The following PGM1 variants were observed in gnomAD, a reference collection of about 807,000 sequenced individuals.
PGM1 encodes phosphoglucomutase 1.
PGM1 carries 52 observed loss-of-function variants against 55.6 expected under a neutral mutation model. The ratio of observed to expected loss-of-function variants is 0.94; its 90% CI spans 0.75 to 1.18. The LOEUF (loss-of-function observed/expected upper bound fraction) is 1.18. Ranked by LOEUF, PGM1 falls within the 50% of genes most tolerant of loss-of-function variation. PGM1 has a pLI of 0.00. For missense variants in PGM1, 724 were observed against 729.3 expected, an observed-to-expected ratio of 0.99 and a Z score of 0.08; for synonymous variants, 287 against 271.7, an observed-to-expected ratio of 1.06 and a Z score of -0.55.
chr1:63,635,144 GA>G, intron 5 of PGM1, 125 bp downstream of exon 5: 1 of 801,016 alleles, frequency 1.2e-6, no homozygotes, highest in Non-Finnish European at 2.2e-6. Context: ...ATTCTGACCC[GA>G]GGTCAGAACT....
chr1:63,623,321 T>C lies in PGM1; in HGVS notation c.247-6104T>C, dbSNP rs1648932639. 12 of 1,488,144 alleles carry C rather than the reference T, an allele frequency of 8.1e-6. No individual in the cohort carries two copies. In the South Asian group the frequency reaches 1.3e-4, roughly 16 times the overall value. The allele number at this position is 1,488,144 out of a possible 1,614,324, so 92.2% of individuals were successfully genotyped here. On this transcript the variant is annotated intron_variant, in intron 1 of 10. Coordinates refer to ENST00000371084, the MANE Select transcript of PGM1 (RefSeq NM_002633.3). ...ACAAGGAATTAACCAAGCTTTCTCATTGAGAGTGATCGTCCATGCAAACCC... is the reference window on the plus strand; with the variant it reads ...ACAAGGAATTAACCAAGCTTTCTCACTGAGAGTGATCGTCCATGCAAACCC...
intron 1 of PGM1, among the ~76,000 whole-genome samples, chr1:63,619,903 C>A (rs756445359): frequency 1.3e-5 from 2 of 152,174 alleles, no homozygotes; most frequent in Admixed American, 6.5e-5. Context: ...ACATCATTTT[C>A]CAGTTCATAA....
At chr1:63,601,452 A>G (rs544620578) in intron 1 of PGM1, among the ~76,000 whole-genome samples, 1 of 152,204 alleles carries the variant, frequency 6.6e-6, no homozygotes, top group Admixed American at 6.5e-5. Context: ...ACTTCTAAGA[A>G]AGTGAAGCAG....
intron 1 of PGM1, among the ~76,000 whole-genome samples, chr1:63,604,258 A>T (rs956812023): frequency 6.6e-6 from 1 of 152,202 alleles, no homozygotes; most frequent in Non-Finnish European, 1.5e-5. Context: ...TCAAAACAAC[A>T]GTGGATTAAA....
chr1:63,603,073 A>G (rs1415304270), intron 1 of PGM1, among the ~76,000 whole-genome samples: 1 of 152,168 alleles, frequency 6.6e-6, no homozygotes. Context: ...TTTAAGAGAA[A>G]GCTCCCCTCA....
At chr1:63,643,870 T>G (rs1461652826) in intron 7 of PGM1, among the ~76,000 whole-genome samples, 1 of 152,074 alleles carries the variant, frequency 6.6e-6, no homozygotes, top group African/African-American at 2.4e-5. Context: ...CTAGTAGGTG[T>G]ATGTGGAATG....
chr1:63,656,586 G>GTA (rs1649973666), intron 10 of PGM1, among the ~76,000 whole-genome samples: 1 of 146,366 alleles, frequency 6.8e-6, no homozygotes, highest in Non-Finnish European at 1.5e-5. Context: ...GTGTGTGTGT[G>GTA]TGTGTGTGTG....
At position 63,606,081 on chromosome 1, in the gene PGM1, T is replaced by C. The variant is rs1001733783; in HGVS notation, c.246+12347T>C. On this transcript the variant is annotated intron_variant, in intron 1 of 10. Transcript: ENST00000371084. ...CCTGCCTTTATTTCTCTCTGCAGAA[T>C]GGCCAGCCCTTGCCTGAGCTCCCGT... Among the ~76,000 whole-genome samples the C allele has an allele frequency of 7.2e-5, 11 of 152,338 alleles. No homozygotes were observed. In the East Asian group the frequency reaches 1.2e-3, roughly 16 times the overall value.
chr1:63,633,368 T>G (rs1359941222), intron 4 of PGM1, among the ~76,000 whole-genome samples: 2 of 152,180 alleles, frequency 1.3e-5, no homozygotes, highest in African/African-American at 4.8e-5. Context: ...AGACTACTTT[T>G]CTCCAGGTCT....
At position 63,613,259 on chromosome 1, in the gene PGM1, C is replaced by CTTTTTTTT. The variant is rs11377805; in HGVS notation, c.247-16151_247-16144dup. 1.7e-3 allele frequency among the ~76,000 whole-genome samples: 180 copies of CTTTTTTTT among 107,806 alleles called. 8 individuals are homozygous for CTTTTTTTT. Among genetic ancestry groups the CTTTTTTTT allele is most frequent in the African/African-American group, 5.8e-3 (146 of 24,966 alleles). 70.7% of individuals were successfully genotyped at this position (107,806 alleles called of 152,430 possible). A position where few individuals can be genotyped will look rare whatever the true frequency, so the allele number is the denominator to read the frequency against. On this transcript the variant is annotated intron_variant, in intron 1 of 10. Transcript: ENST00000371084. The stretch of plus-strand genomic sequence containing the variant: ...TCTGCTGCAAAAGGAGTTGGCTTAT[C>CTTTTTTTT]TTTTTTTTTTTTTTTTTTTTTTAAG...
chr1:63,615,140 G>A (rs1393119808), intron 1 of PGM1, among the ~76,000 whole-genome samples: 1 of 152,206 alleles, frequency 6.6e-6, no homozygotes, highest in Non-Finnish European at 1.5e-5. Flanking sequence ...TTTATCCACA[G>A]ATAAACCCAT....
At chr1:63,649,374 C>T (rs1328302415) in intron 8 of PGM1, among the ~76,000 whole-genome samples, 2 of 152,162 alleles carry the variant, frequency 1.3e-5, no homozygotes, top group African/African-American at 2.4e-5. Context: ...AAATTTTTGA[C>T]AGTAGTACTT....
intron 7 of PGM1, among the ~76,000 whole-genome samples, chr1:63,640,144 TCCCC>T (rs1168580074): frequency 6.6e-6 from 1 of 152,200 alleles, no homozygotes; most frequent in Non-Finnish European, 1.5e-5. Flanking sequence ...CCCATGAAAC[TCCCC>T]ACAGGGTCAT....
intron 1 of PGM1, among the ~76,000 whole-genome samples, chr1:63,617,983 T>TTTCAAGTA (rs1013418137): frequency 3.3e-5 from 5 of 152,236 alleles, no homozygotes; most frequent in African/African-American, 1.2e-4. Context: ...AAGGAAAACT[T>TTTCAAGTA]TTCAAGTATT....
intron 4 of PGM1, 144 bp downstream of exon 4, chr1:63,631,926 T>C (rs1470424189): frequency 1.2e-6 from 1 of 813,340 alleles, no homozygotes; most frequent in Non-Finnish European, 2.1e-6. Flanking sequence ...AGAGCAATAT[T>C]CACACAGATA....
At chr1:63,623,366 C>T (rs1329149663) in intron 1 of PGM1, 110 of 1,527,764 alleles carry the variant, frequency 7.2e-5, no homozygotes, top group Middle Eastern at 5.3e-4. Flanking sequence ...GTTACTCATA[C>T]GACACTGTTG....
At chr1:63,629,771 T>C (rs1649143564) in intron 2 of PGM1, among the ~76,000 whole-genome samples, 171 bp from the exon 3 acceptor site, 2 of 152,176 alleles carry the variant, frequency 1.3e-5, no homozygotes, top group African/African-American at 2.4e-5. Context: ...TGAAGAGCCA[T>C]GCGCAAATCT....
chr1:63,604,734 C>T (rs1195349586), intron 1 of PGM1, among the ~76,000 whole-genome samples: 1 of 152,172 alleles, frequency 6.6e-6, no homozygotes, highest in African/African-American at 2.4e-5. Flanking sequence ...AAACACAGCA[C>T]TCCTTTCCAG....
intron 1 of PGM1, among the ~76,000 whole-genome samples, chr1:63,612,980 G>T (rs569256388): frequency 7.2e-5 from 11 of 152,228 alleles, no homozygotes; most frequent in African/African-American, 2.6e-4. Context: ...AAATATTTTA[G>T]TCACTCACAC....
Sources: allele counts gnomAD v4.1 joint callset (sites outside exome capture counted in the v4.1 genomes callset), GRCh38; gene constraint gnomAD v4.1.1; transcripts MANE v1.5; gene names NCBI Gene and HGNC (gene_info 2026-07-23, HGNC 2026-07-21).